Variants in GASK1B observed in about 807,000 individuals in gnomAD.
GASK1B encodes the protein Golgi-associated kinase 1B.
A neutral mutation model predicts 42.8 loss-of-function variants in GASK1B; 34 were observed. The observed-to-expected ratio is 0.79, with a 90% CI of 0.60 to 1.06. GASK1B has a LOEUF of 1.06. Ranked by LOEUF, GASK1B falls within the 50% of genes least tolerant of loss-of-function variation. GASK1B has a pLI of 0.00. For synonymous variants in GASK1B, 262 were observed against 259.1 expected, an observed-to-expected ratio of 1.01 and a Z score of -0.11; for missense variants, 686 against 661.0, an observed-to-expected ratio of 1.04 and a Z score of -0.42.
intron 3 of GASK1B, among the ~76,000 whole-genome samples, chr4:158,147,610 CA>C (rs11337957): frequency 0.77 from 98,738 of 128,672 alleles, 37,426 homozygotes; most frequent in East Asian, 0.93. Context: ...GACTCTGTCC[CA>C]AAAAAAAAAA....
At chr4:158,164,760 G>A (rs1482745995) in intron 2 of GASK1B, among the ~76,000 whole-genome samples, 3 of 152,206 alleles carry the variant, frequency 2.0e-5, no homozygotes, top group Non-Finnish European at 1.5e-5. Context: ...CAAAACGACT[G>A]TGTCCTTACC....
chr4:158,130,745 A>C (rs759121205), intron 4 of GASK1B, 41 bp downstream of exon 4: 4 of 1,446,826 alleles, frequency 2.8e-6, no homozygotes, highest in Non-Finnish European at 3.9e-6. Flanking sequence ...TACTTATCTA[A>C]CATAAATGTG....
At chr4:158,156,693 C>T (rs1270228293) in intron 2 of GASK1B, among the ~76,000 whole-genome samples, 2 of 152,142 alleles carry the variant, frequency 1.3e-5, no homozygotes, top group Non-Finnish European at 2.9e-5. Flanking sequence ...CCCAAGCCCC[C>T]ATTTCTGCCC....
chr4:158,170,131 AG>A (rs930779065), intron 2 of GASK1B: 2 of 1,152,968 alleles, frequency 1.7e-6, no homozygotes, highest in Admixed American at 2.5e-5. Flanking sequence ...CTTTGCCTCC[AG>A]CCTAGCTTCC....
intron 3 of GASK1B, among the ~76,000 whole-genome samples, chr4:158,147,553 T>G (rs545868465): frequency 6.7e-6 from 1 of 150,146 alleles, no homozygotes; most frequent in East Asian, 2.0e-4. Flanking sequence ...CAGTGAGCTA[T>G]GATCATGTCA....
intron 2 of GASK1B, among the ~76,000 whole-genome samples, chr4:158,160,973 A>C (rs1731966846): frequency 6.6e-6 from 1 of 152,090 alleles, no homozygotes; most frequent in Non-Finnish European, 1.5e-5. Context: ...TAGATGGGAA[A>C]AGTGTTGATC....
chr4:158,159,322 C>A (rs528049746), intron 2 of GASK1B, among the ~76,000 whole-genome samples: 2 of 152,056 alleles, frequency 1.3e-5, no homozygotes, highest in Admixed American at 6.6e-5. Flanking sequence ...GCTACATATA[C>A]GTGTGTGTGG....
chr4:158,129,091 G>A (rs533073313), intron 4 of GASK1B, among the ~76,000 whole-genome samples: 2 of 152,148 alleles, frequency 1.3e-5, no homozygotes, highest in South Asian at 2.1e-4. Context: ...ATAAATTGGG[G>A]GTTAGAAAAG....
At chr4:158,171,904 A>G (rs1474759121) in intron 1 of GASK1B, among the ~76,000 whole-genome samples, 4 of 152,222 alleles carry the variant, frequency 2.6e-5, no homozygotes, top group African/African-American at 9.6e-5. Flanking sequence ...TTTGAAATTC[A>G]GAAAGAACTT....
At chr4:158,142,770 T>G (rs889391387) in intron 3 of GASK1B, among the ~76,000 whole-genome samples, 3 of 152,012 alleles carry the variant, frequency 2.0e-5, no homozygotes, top group Admixed American at 2.0e-4. Flanking sequence ...GATCATCAAT[T>G]CAGCACCAAT....
At position 158,170,179 on chromosome 4, in the gene GASK1B, G is replaced by C. The variant is rs868577681; in HGVS notation, c.910+287C>G. On this transcript the variant is annotated intron_variant, in intron 2 of 4. Coordinates refer to ENST00000585682, the MANE Select transcript of GASK1B (RefSeq NM_001128424.2). ...TGCAAATTGCCGTTGGCTTTAATTA[G>C]ATTTAATAAGCCACTGGGAAGTGAA... 2.6e-6 allele frequency: 4 copies of C among 1,550,810 alleles called. No individual in the cohort carries two copies. In the Middle Eastern group the frequency reaches 7.4e-4, roughly 285 times the overall value.
intron 3 of GASK1B, among the ~76,000 whole-genome samples, chr4:158,141,079 A>G (rs1337223984): frequency 6.6e-6 from 1 of 152,102 alleles, no homozygotes; most frequent in Non-Finnish European, 1.5e-5. Context: ...ATGTTCACCA[A>G]CTTTCTAGTC....
At chr4:158,138,801 C>G (rs909745889) in intron 3 of GASK1B, among the ~76,000 whole-genome samples, 5 of 152,030 alleles carry the variant, frequency 3.3e-5, no homozygotes, top group African/African-American at 1.2e-4. Flanking sequence ...AATCAGTTCT[C>G]TTTTGAAAAA....
At chr4:158,138,128 G>T (rs544877524) in intron 3 of GASK1B, among the ~76,000 whole-genome samples, 1 of 152,108 alleles carries the variant, frequency 6.6e-6, no homozygotes, top group Non-Finnish European at 1.5e-5. Flanking sequence ...CATTTGGATC[G>T]ATTTCTATAG....
At chr4:158,139,229 C>T (rs1164017858) in intron 3 of GASK1B, among the ~76,000 whole-genome samples, 1 of 152,220 alleles carries the variant, frequency 6.6e-6, no homozygotes, top group Non-Finnish European at 1.5e-5. Context: ...AAGATTACAA[C>T]TTAATGCCTC....
intron 3 of GASK1B, among the ~76,000 whole-genome samples, chr4:158,141,059 G>A (rs1015952482): frequency 1.3e-5 from 2 of 152,108 alleles, no homozygotes; most frequent in African/African-American, 4.8e-5. Context: ...GGATTCAAGA[G>A]CAAAGACTTA....
chr4:158,129,066 A>T (rs1188857756), intron 4 of GASK1B, among the ~76,000 whole-genome samples: 1 of 152,216 alleles, frequency 6.6e-6, no homozygotes, highest in Non-Finnish European at 1.5e-5. Context: ...ATATAATAGT[A>T]GGAATATTCA....
chr4:158,135,410 GC>G (rs1415354146), intron 3 of GASK1B, among the ~76,000 whole-genome samples: 2 of 148,712 alleles, frequency 1.3e-5, no homozygotes, highest in African/African-American at 5.0e-5. Flanking sequence ...AATATTAATA[GC>G]AGTTTTATAT....
At chr4:158,129,194 C>A (rs139227433) in intron 4 of GASK1B, among the ~76,000 whole-genome samples, 2 of 152,220 alleles carry the variant, frequency 1.3e-5, no homozygotes, top group East Asian at 1.9e-4. Context: ...AAATGTAAAT[C>A]TTCTTTGAAA....
Sources: allele counts gnomAD v4.1 joint callset (sites outside exome capture counted in the v4.1 genomes callset), GRCh38; gene constraint gnomAD v4.1.1; transcripts MANE v1.5; gene names NCBI Gene and HGNC (gene_info 2026-07-23, HGNC 2026-07-21).